PID1: variants seen among roughly 807,000 people sequenced by gnomAD.
PID1 encodes the protein phosphotyrosine interaction domain containing 1, also known as PTB-containing, cubilin and LRP1-interacting protein.
A neutral mutation model predicts 19.1 loss-of-function variants in PID1; 10 were observed. The observed-to-expected ratio is 0.52, with a 90% confidence interval of 0.32 to 0.89. The LOEUF (loss-of-function observed/expected upper bound fraction) is 0.89. Among genes scored for constraint, PID1 ranks in the 40% least tolerant of loss-of-function variants. The pLI, the probability that PID1 is intolerant of heterozygous loss-of-function variation, is 0.03. For synonymous variants in PID1, 130 were observed against 116.0 expected, an observed-to-expected ratio of 1.12 and a Z score of -0.78; for missense variants, 248 against 285.3, an observed-to-expected ratio of 0.87 and a Z score of 0.94.
At chr2:229,059,499 A>C (rs931089787) in intron 2 of PID1, among the ~76,000 whole-genome samples, 1 of 152,240 alleles carries the variant, frequency 6.6e-6, no homozygotes, top group South Asian at 2.1e-4. Context: ...GAAAAAACTC[A>C]GTATCAGAAA....
intron 2 of PID1, among the ~76,000 whole-genome samples, chr2:229,116,921 A>T (rs1376358239): frequency 6.6e-6 from 1 of 152,024 alleles, no homozygotes; most frequent in African/African-American, 2.4e-5. Flanking sequence ...TCCCCACCCT[A>T]AACTTTGTCA....
At chr2:229,075,733 G>A (rs1031244188) in intron 2 of PID1, among the ~76,000 whole-genome samples, 4 of 152,148 alleles carry the variant, frequency 2.6e-5, no homozygotes, top group African/African-American at 4.8e-5. Flanking sequence ...CAATTAAGCT[G>A]GGTCCCCAAC....
chr2:229,025,353 G>A lies in PID1; in HGVS notation c.*279C>T, dbSNP rs1263363980. The A allele has an allele frequency of 2.5e-6, 1 of 399,506 alleles. No individual in the cohort carries two copies. The highest frequency in any genetic ancestry group is 2.3e-5 in the African/African-American group (1 of 43,474). 24.7% of individuals were successfully genotyped at this position (399,506 alleles called of 1,614,324 possible). On this transcript the variant is annotated 3_prime_UTR_variant, in exon 3 of 3. Transcript: ENST00000392055. Reference sequence around the variant, plus strand: ...AAAACTGGCATGGAGCTCTCCCACAGAGAGGCATTGGGAAATGAGAAAAAT... The same window carrying A: ...AAAACTGGCATGGAGCTCTCCCACAAAGAGGCATTGGGAAATGAGAAAAAT...
At chr2:229,261,981 A>C (rs565585163) in intron 1 of PID1, among the ~76,000 whole-genome samples, 4 of 152,294 alleles carry the variant, frequency 2.6e-5, no homozygotes, top group African/African-American at 4.8e-5. Context: ...CAAGTAAAAA[A>C]CAAAACAAAA....
At chr2:229,086,056 AGGACCTATTCCAAACTTGTAATGAACAT>A (rs1694758263) in intron 2 of PID1, among the ~76,000 whole-genome samples, 1 of 152,168 alleles carries the variant, frequency 6.6e-6, no homozygotes. Context: ...ATTTAAATTC[AGGACCTATTCCAAACTTGTAATGAACAT>A]GGAAAGAGCA....
At chr2:229,042,561 T>C (rs1307247206) in intron 2 of PID1, among the ~76,000 whole-genome samples, 2 of 152,140 alleles carry the variant, frequency 1.3e-5, no homozygotes, top group East Asian at 3.9e-4. Context: ...GGAGCACACA[T>C]GTGTGTGGCA....
At chr2:229,120,430 C>A (rs1344575060) in intron 2 of PID1, among the ~76,000 whole-genome samples, 1 of 151,934 alleles carries the variant, frequency 6.6e-6, no homozygotes, top group African/African-American at 2.4e-5. Flanking sequence ...AGTGTGCCAA[C>A]ATAAAGGTTC....
intron 2 of PID1, among the ~76,000 whole-genome samples, chr2:229,071,675 T>C (rs963132125): frequency 5.3e-5 from 8 of 152,212 alleles, no homozygotes; most frequent in African/African-American, 1.9e-4. Flanking sequence ...AAATTTTAAC[T>C]CTACCTTTGA....
rs556291236 is a variant in PID1 at position 229,208,307 on chromosome 2, G to T, written c.31-52343C>A. Among the ~76,000 whole-genome samples, 4 of 152,270 alleles carry T rather than the reference G, an allele frequency of 2.6e-5. No homozygotes were observed. In the South Asian group the frequency reaches 8.3e-4, roughly 32 times the overall value. On this transcript the variant is annotated intron_variant, in intron 1 of 2. Coordinates refer to ENST00000392055, the MANE Select transcript of PID1 (RefSeq NM_001100818.2). The stretch of plus-strand genomic sequence containing the variant: ...ATGAACAGCCTTCTCAATCAGAAGG[G>T]AAACATTTTTTTCTTAGATCACCAC...
chr2:229,029,256 G>A (rs996179048), intron 2 of PID1, among the ~76,000 whole-genome samples: 6 of 129,924 alleles, frequency 4.6e-5, no homozygotes, highest in African/African-American at 1.8e-4. Context: ...TAAAGTTCCT[G>A]TATGTCAATC....
chr2:229,228,836 C>A (rs1194321138), intron 1 of PID1, among the ~76,000 whole-genome samples: 1 of 152,106 alleles, frequency 6.6e-6, no homozygotes, highest in African/African-American at 2.4e-5. Context: ...TCCTAAAATC[C>A]CACCATAAGA....
chr2:229,147,010 A>G (rs951700568), intron 2 of PID1, among the ~76,000 whole-genome samples: 1 of 152,182 alleles, frequency 6.6e-6, no homozygotes, highest in African/African-American at 2.4e-5. Flanking sequence ...ATGAGAGAGT[A>G]AATTTCTGTT....
chr2:229,060,700 T>A (rs573016357), intron 2 of PID1, among the ~76,000 whole-genome samples: 7 of 152,126 alleles, frequency 4.6e-5, no homozygotes, highest in Non-Finnish European at 1.0e-4. Context: ...CTATACAGTT[T>A]TCCATAATAG....
intron 1 of PID1, among the ~76,000 whole-genome samples, chr2:229,253,421 A>C: frequency 6.6e-6 from 1 of 152,150 alleles, no homozygotes. Flanking sequence ...GATTTATAGG[A>C]GATGCCAATA....
At chr2:229,221,389 T>C (rs1434465359) in intron 1 of PID1, among the ~76,000 whole-genome samples, 1 of 152,220 alleles carries the variant, frequency 6.6e-6, no homozygotes, top group Non-Finnish European at 1.5e-5. Flanking sequence ...GTAACCTGCA[T>C]GGTCCAAGAT....
At chr2:229,142,603 C>T (rs536929376) in intron 2 of PID1, among the ~76,000 whole-genome samples, 23 of 152,252 alleles carry the variant, frequency 1.5e-4, no homozygotes, top group African/African-American at 5.5e-4. Flanking sequence ...AAATGCTCAT[C>T]ATCACTGGCC....
At chr2:229,208,166 T>C (rs1221767355) in intron 1 of PID1, among the ~76,000 whole-genome samples, 1 of 152,206 alleles carries the variant, frequency 6.6e-6, no homozygotes, top group Non-Finnish European at 1.5e-5. Context: ...AGTCCATTTC[T>C]GGTTGCCTCC....
At chr2:229,202,437 A>G (rs1411852084) in intron 1 of PID1, among the ~76,000 whole-genome samples, 1 of 152,014 alleles carries the variant, frequency 6.6e-6, no homozygotes, top group Non-Finnish European at 1.5e-5. Flanking sequence ...TGAGTTATCA[A>G]TGCCTGCTTA....
intron 1 of PID1, among the ~76,000 whole-genome samples, chr2:229,166,504 T>C (rs1690600010): frequency 6.6e-6 from 1 of 152,220 alleles, no homozygotes; most frequent in East Asian, 1.9e-4. Context: ...TTCATTCAAA[T>C]GGCTTCATCT....
Sources: allele counts gnomAD v4.1 joint callset (sites outside exome capture counted in the v4.1 genomes callset), GRCh38; gene constraint gnomAD v4.1.1; transcripts MANE v1.5; gene names NCBI Gene and HGNC (gene_info 2026-07-23, HGNC 2026-07-21).